NAALAD2: variants seen among roughly 807,000 people sequenced by gnomAD.
NAALAD2 encodes N-acetylated-alpha-linked acidic dipeptidase 2.
In NAALAD2, 89 loss-of-function variants were observed where a neutral mutation model predicts 95.6. The observed-to-expected ratio is 0.93, with a 90% CI of 0.78 to 1.11. The LOEUF is 1.11. NAALAD2 is among the 50% of genes least tolerant of loss of function. The pLI is 0.00. For missense variants in NAALAD2, 894 were observed against 872.4 expected (o/e 1.02, Z -0.31); for synonymous variants, 264 against 294.4 (o/e 0.90, Z 1.06).
At chr11:90,159,395 T>C in intron 8 of NAALAD2, 58 bp downstream of exon 8, 1 of 1,246,084 alleles carries the variant, frequency 8.0e-7, no homozygotes, top group African/African-American at 1.5e-5. Flanking sequence ...TGGAAACATG[T>C]CAAGATAACT....
intron 13 of NAALAD2, among the ~76,000 whole-genome samples, chr11:90,171,282 A>G (rs1952626064): frequency 6.6e-6 from 1 of 152,170 alleles, no homozygotes; most frequent in East Asian, 1.9e-4. Context: ...CTCTCTGGGT[A>G]CTATTAATAT....
At position 90,155,265 on chromosome 11, in the gene NAALAD2, T is replaced by C. The variant is rs1452764032; in HGVS notation, c.796+2781T>C. ...TATATACATGTATAATATATGTATA[T>C]AGAATGTATATATTATATATGCATA... On this transcript the variant is annotated intron_variant, in intron 6 of 18. Transcript: ENST00000534061. Among the ~76,000 whole-genome samples the C allele has an allele frequency of 6.4e-5, 8 of 124,116 alleles. No homozygotes were observed. The South Asian group carries it at 1.9e-3, about 29-fold the overall frequency. 81.4% of individuals were successfully genotyped at this position (124,116 alleles called of 152,430 possible). A position where few individuals can be genotyped will look rare whatever the true frequency, so the allele number is the denominator to read the frequency against.
rs1308598775 is a variant in NAALAD2, at chr11:90,191,671, A to G, written c.2147A>G (p.Lys716Arg). 6.2e-7 allele frequency: 1 copy of G among 1,602,284 alleles called. No individual in the cohort carries two copies. Among genetic ancestry groups the G allele is most frequent in the Non-Finnish European group, 8.5e-7 (1 of 1,174,600 alleles). Reference protein sequence around the residue: ...ENKANSRLAWKEVKKHISIAA... With the variant: ...ENKANSRLAWREVKKHISIAA... ...AAAGCCAACTCTCGTTTGGCCTGGA[A>G]AGAAGTAAAGAAACATATTTCTATT... Residue 716 changes from lysine (K) to arginine (R), a missense_variant, in exon 19 of 19, where the codon AAA becomes AGA. By Grantham distance (26) the Lys-to-Arg change is conservative. Coordinates refer to ENST00000534061, the MANE Select transcript of NAALAD2 (RefSeq NM_005467.4).
At chr11:90,142,685 T>A (rs1417989938) in intron 2 of NAALAD2, among the ~76,000 whole-genome samples, 3 of 152,174 alleles carry the variant, frequency 2.0e-5, no homozygotes, top group African/African-American at 7.2e-5. Context: ...CTCTGCCTTG[T>A]GAGTATTTAG....
upstream of NAALAD2, chr11:90,134,641 C>A (rs996567390): frequency 1.1e-6 from 1 of 929,472 alleles, no homozygotes; most frequent in Non-Finnish European, 1.7e-6. Flanking sequence ...CGTGGCCTTG[C>A]GAAGGTCAGC....
chr11:90,153,116 G>A (rs4268468), intron 6 of NAALAD2, among the ~76,000 whole-genome samples: 27,994 of 151,988 alleles, frequency 0.18, 3,260 homozygotes, highest in East Asian at 0.4. Context: ...TGGCATCTTT[G>A]TCAATAGTTT....
chr11:90,171,871 C>A (rs1196322027), intron 13 of NAALAD2, among the ~76,000 whole-genome samples: 1 of 152,054 alleles, frequency 6.6e-6, no homozygotes, highest in Non-Finnish European at 1.5e-5. Context: ...TCTGACAATG[C>A]ATGTAGCTGA....
At chr11:90,134,511 C>T (rs1951405755), upstream of NAALAD2, 1 of 509,090 alleles carries the variant, frequency 2.0e-6, no homozygotes. Flanking sequence ...CGGGTTACTG[C>T]GGGATCCACA....
At chr11:90,155,397 AAT>A (rs1431388354) in intron 6 of NAALAD2, among the ~76,000 whole-genome samples, 22 of 78,086 alleles carry the variant, frequency 2.8e-4, no homozygotes, top group East Asian at 1.9e-3. Context: ...TGTAATATAT[AAT>A]ATATATAATG....
intron 18 of NAALAD2, among the ~76,000 whole-genome samples, chr11:90,187,264 C>A (rs537887406): frequency 0.012 from 1,900 of 152,054 alleles, 25 homozygotes; most frequent in Non-Finnish European, 0.019. Context: ...GTCAGTGTGG[C>A]GATTCCTCAG....
intron 11 of NAALAD2, 41 bp downstream of exon 11, chr11:90,163,658 A>T: frequency 1.3e-6 from 2 of 1,561,924 alleles, no homozygotes; most frequent in Non-Finnish European, 1.8e-6. Flanking sequence ...TTTTTGGTCA[A>T]CAGGGAACAA....
At chr11:90,140,510 C>A (rs1270560818) in intron 2 of NAALAD2, among the ~76,000 whole-genome samples, 2 of 150,340 alleles carry the variant, frequency 1.3e-5, no homozygotes, top group Non-Finnish European at 3.0e-5. Flanking sequence ...TAAATTGCTG[C>A]AAATCTCAAA....
intron 5 of NAALAD2, among the ~76,000 whole-genome samples, chr11:90,151,996 G>A (rs1159015555): frequency 6.6e-6 from 1 of 152,084 alleles, no homozygotes; most frequent in Non-Finnish European, 1.5e-5. Flanking sequence ...TACATTAAGA[G>A]CTATCCTATA....
At chr11:90,182,834 C>T in intron 17 of NAALAD2, 82 bp from the exon 18 acceptor site, 2 of 941,152 alleles carry the variant, frequency 2.1e-6, no homozygotes, top group Non-Finnish European at 3.3e-6. Context: ...TATATTTTCC[C>T]AAGCCTTGTT....
At chr11:90,172,284 G>C (rs959233734) in intron 13 of NAALAD2, among the ~76,000 whole-genome samples, 2 of 152,128 alleles carry the variant, frequency 1.3e-5, no homozygotes, top group African/African-American at 4.8e-5. Flanking sequence ...GACTTTCTAA[G>C]CTGTGGACCC....
intron 8 of NAALAD2, among the ~76,000 whole-genome samples, chr11:90,161,450 A>C (rs985777041): frequency 2.6e-5 from 4 of 152,180 alleles, no homozygotes; most frequent in African/African-American, 9.6e-5. Context: ...ATGAATATTT[A>C]TTGAGCATTT....
chr11:90,155,355 C>T (rs1952041885), intron 6 of NAALAD2, among the ~76,000 whole-genome samples: 1 of 87,756 alleles, frequency 1.1e-5, no homozygotes, highest in South Asian at 3.5e-4. Context: ...TTATATATTA[C>T]ATGTATAATA....
intron 6 of NAALAD2, among the ~76,000 whole-genome samples, chr11:90,153,525 G>A (rs118030641): frequency 0.038 from 5,819 of 151,982 alleles, 157 homozygotes; most frequent in Non-Finnish European, 0.057. Context: ...TTTTCAAAAC[G>A]TTTTGTCTAA....
intron 13 of NAALAD2, among the ~76,000 whole-genome samples, chr11:90,173,012 G>A (rs1952684844): frequency 1.3e-5 from 2 of 152,028 alleles, no homozygotes; most frequent in Non-Finnish European, 2.9e-5. Flanking sequence ...AAACAAACAA[G>A]AAAACAAAAT....
Sources: allele counts gnomAD v4.1 joint callset (sites outside exome capture counted in the v4.1 genomes callset), GRCh38; gene constraint gnomAD v4.1.1; transcripts MANE v1.5; gene names NCBI Gene and HGNC (gene_info 2026-07-23, HGNC 2026-07-21).